The following SPON1 variants were observed in gnomAD, a reference collection of about 807,000 sequenced individuals.
SPON1 encodes the protein spondin-1.
In SPON1, 52 loss-of-function variants were observed where a neutral mutation model predicts 111.7. The ratio of observed to expected loss-of-function variants is 0.47; its 90% CI spans 0.37 to 0.59. The LOEUF is 0.59. SPON1 is among the 20% of genes least tolerant of loss of function. SPON1 has a pLI of 0.00. For synonymous variants in SPON1, 410 were observed against 395.8 expected (o/e 1.04, Z -0.43); for missense variants, 957 against 1,068.5 (o/e 0.90, Z 1.46).
intron 5 of SPON1, among the ~76,000 whole-genome samples, chr11:14,132,792 T>C (rs1847542602): frequency 6.6e-6 from 1 of 152,232 alleles, no homozygotes; most frequent in Non-Finnish European, 1.5e-5. Flanking sequence ...AAGTTTCATG[T>C]TTTACTCAGT....
At chr11:14,161,086 A>ATATATATC (rs1437451632) in intron 6 of SPON1, among the ~76,000 whole-genome samples, 1 of 25,444 alleles carries the variant, frequency 3.9e-5, no homozygotes, top group Non-Finnish European at 7.6e-5. Flanking sequence ...TTATATATTT[A>ATATATATC]TATATATCTA....
At chr11:13,969,572 C>A (rs1208757972) in intron 1 of SPON1, among the ~76,000 whole-genome samples, 1 of 152,014 alleles carries the variant, frequency 6.6e-6, no homozygotes, top group African/African-American at 2.4e-5. Flanking sequence ...AAATGAAAAC[C>A]CACTGGGGTA....
intron 3 of SPON1, among the ~76,000 whole-genome samples, chr11:14,073,286 T>G (rs947516231): frequency 6.6e-6 from 1 of 152,196 alleles, no homozygotes; most frequent in Non-Finnish European, 1.5e-5. Context: ...CCATCATTCC[T>G]AACCCTAAAT....
intron 5 of SPON1, among the ~76,000 whole-genome samples, chr11:14,094,249 A>G (rs1313819791): frequency 2.0e-5 from 3 of 151,440 alleles, no homozygotes; most frequent in Non-Finnish European, 4.4e-5. Context: ...TTGGTACTTA[A>G]AGTCTTCCTC....
intron 3 of SPON1, among the ~76,000 whole-genome samples, chr11:14,066,341 T>C (rs1279914780): frequency 6.6e-6 from 1 of 152,070 alleles, no homozygotes; most frequent in Non-Finnish European, 1.5e-5. Flanking sequence ...AGAAATACCA[T>C]GGATAATTTC....
Position 14,133,870 on chromosome 11 carries a change from G to A in SPON1, c.677-1550G>A, listed in dbSNP as rs377383205. Among the ~76,000 whole-genome samples the A allele has an allele frequency of 2.6e-5, 4 of 152,274 alleles. No individual in the cohort carries two copies. In the South Asian group the frequency reaches 8.3e-4, roughly 32 times the overall value. ...AATGAACAAGCAATTGGGCAAACCC[G>A]CATGGTGATGTCCTCTGCCTGGGGT... On this transcript the variant is annotated intron_variant, in intron 5 of 15. Coordinates refer to ENST00000576479, the MANE Select transcript of SPON1 (RefSeq NM_006108.4).
At chr11:14,190,193 C>A (rs781823002) in intron 6 of SPON1, among the ~76,000 whole-genome samples, 1 of 151,512 alleles carries the variant, frequency 6.6e-6, no homozygotes, top group Non-Finnish European at 1.5e-5. Flanking sequence ...ACTTCCTCAG[C>A]CAAGCAAGAA....
In SPON1 at chr11:14,259,701, C is replaced by A; in HGVS notation, c.1831C>A (p.His611Asn). The change falls in exon 13 of 16, where the codon CAC becomes AAC. Residue 611 changes from histidine to asparagine, a missense_variant and splice_region_variant. This residue lies in a region of SPON1 where 549 missense variants were observed against 606.2 expected (regional missense o/e 0.91). Coordinates refer to ENST00000576479, the MANE Select transcript of SPON1 (RefSeq NM_006108.4). The surrounding 1 kb of genome is among the most constrained non-coding windows in gnomAD (Gnocchi z 5.0). The part of the protein sequence containing the change: ...QAEKCMMPEC[H>N]TIPCLLSPWS... The stretch of plus-strand genomic sequence containing the variant: ...AGAGAAGTGCATGATGCCAGAGTGC[C>A]GTGAGTGAGAGCGGGGGTGGACTTG... The A allele has an allele frequency of 1.3e-6, 2 of 1,571,052 alleles. No individual in the cohort carries two copies. Among genetic ancestry groups the A allele is most frequent in the Non-Finnish European group, 1.7e-6 (2 of 1,158,338 alleles).
At chr11:14,109,669 GTTTAA>G (rs1458685383) in intron 5 of SPON1, among the ~76,000 whole-genome samples, 6 of 151,990 alleles carry the variant, frequency 3.9e-5, no homozygotes, top group Admixed American at 6.6e-5. Flanking sequence ...GTAATTATTT[GTTTAA>G]TTAAATTAAC....
chr11:14,181,840 A>G (rs567545287), intron 6 of SPON1, among the ~76,000 whole-genome samples: 78 of 152,224 alleles, frequency 5.1e-4, no homozygotes, highest in Non-Finnish European at 9.9e-4. Flanking sequence ...TCTTTTCCTC[A>G]TGTGTGGGTT....
At position 14,145,768 on chromosome 11, in the gene SPON1, A is replaced by G. The variant is rs529463840; in HGVS notation, c.825+10200A>G. Among the ~76,000 whole-genome samples, 5 of 152,340 alleles carry G rather than the reference A, an allele frequency of 3.3e-5. No homozygotes were observed. The East Asian group carries it at 9.6e-4, about 29-fold the overall frequency. ...TAGTATTTTATTTTTAAGAGATGGAACAAGCAAACTTTCATCAATAGGGGT... is the reference window on the plus strand; with the variant it reads ...TAGTATTTTATTTTTAAGAGATGGAGCAAGCAAACTTTCATCAATAGGGGT... On this transcript the variant is annotated intron_variant, in intron 6 of 15. Transcript: ENST00000576479.
intron 7 of SPON1, among the ~76,000 whole-genome samples, chr11:14,250,931 A>C (rs782625659): frequency 1.8e-4 from 27 of 152,228 alleles, no homozygotes; most frequent in Non-Finnish European, 2.9e-4. Context: ...TTCAACAAAC[A>C]TTTGAAGAGA....
intron 6 of SPON1, among the ~76,000 whole-genome samples, chr11:14,177,671 C>T (rs553994347): frequency 6.6e-6 from 1 of 152,266 alleles, no homozygotes; most frequent in South Asian, 2.1e-4. Context: ...AGTCCCTGGC[C>T]GTCCCCATAG....
At chr11:14,084,050 TCA>T (rs201499170) in intron 5 of SPON1, among the ~76,000 whole-genome samples, 4,537 of 152,214 alleles carry the variant, frequency 0.03, 232 homozygotes, top group African/African-American at 0.1. Context: ...TCCCAATTAG[TCA>T]CACAGAAAAA....
intron 5 of SPON1, among the ~76,000 whole-genome samples, chr11:14,086,824 A>G (rs1425407739): frequency 6.6e-6 from 1 of 151,966 alleles, no homozygotes; most frequent in African/African-American, 2.4e-5. Flanking sequence ...CAATTTCAGA[A>G]CTTGTTATTG....
intron 6 of SPON1, among the ~76,000 whole-genome samples, chr11:14,154,071 C>G (rs576160522): frequency 6.6e-6 from 1 of 152,270 alleles, no homozygotes; most frequent in South Asian, 2.1e-4. Flanking sequence ...GCCCCTGCAG[C>G]TGTTTTCACA....
intron 1 of SPON1, among the ~76,000 whole-genome samples, chr11:13,971,696 T>C (rs1848064546): frequency 6.6e-6 from 1 of 152,096 alleles, no homozygotes; most frequent in African/African-American, 2.4e-5. Flanking sequence ...CCACCTCTCC[T>C]AGCCCCAGCC....
At chr11:14,100,158 T>A (rs77939918) in intron 5 of SPON1, among the ~76,000 whole-genome samples, 5 of 143,412 alleles carry the variant, frequency 3.5e-5, no homozygotes, top group South Asian at 2.3e-4. Context: ...TTTTTTTTTT[T>A]AATAACCTAG....
chr11:14,023,119 T>A (rs1008400495), intron 2 of SPON1, among the ~76,000 whole-genome samples: 2 of 152,134 alleles, frequency 1.3e-5, no homozygotes, highest in Admixed American at 1.3e-4. Flanking sequence ...TGGCAGGAGA[T>A]GATGCCTGAG....
Sources: gnomAD v4.1 joint callset for allele counts (sites outside exome capture counted in the v4.1 genomes callset) on GRCh38, gnomAD v4.1.1 for gene constraint, gnomAD v4.1.1 regional missense constraint, Gnocchi (gnomAD v3.1) non-coding constraint, MANE v1.5 for transcripts, NCBI Gene and HGNC (gene_info 2026-07-23, HGNC 2026-07-21) for gene names.